Variants in TCERG1L observed in about 807,000 individuals in gnomAD.
The protein encoded by TCERG1L is transcription elongation regulator 1-like protein.
In TCERG1L, 37 loss-of-function variants were observed where a neutral mutation model predicts 56.3. The ratio of observed to expected loss-of-function variants is 0.66; its 90% CI spans 0.51 to 0.87. The LOEUF (loss-of-function observed/expected upper bound fraction) is 0.87, where lower values mean the gene tolerates loss of function less well. Among genes scored for constraint, TCERG1L ranks in the 40% least tolerant of loss-of-function variants. The probability of loss-of-function intolerance (pLI) is 0.00; values close to 1 mark genes in which losing one functional copy is unlikely to be tolerated. For synonymous variants in TCERG1L, 324 were observed against 326.3 expected, an observed-to-expected ratio of 0.99 and a Z score of 0.08; for missense variants, 799 against 774.2, an observed-to-expected ratio of 1.03 and a Z score of -0.38.
chr10:131,304,893 T>C (rs911167882), intron 3 of TCERG1L, among the ~76,000 whole-genome samples: 7 of 151,916 alleles, frequency 4.6e-5, no homozygotes, highest in African/African-American at 1.7e-4. Flanking sequence ...ACCCCACAGG[T>C]CTCATGTGAT....
chr10:131,249,374 T>C (rs1846080329), intron 4 of TCERG1L, among the ~76,000 whole-genome samples: 1 of 151,972 alleles, frequency 6.6e-6, no homozygotes, highest in Admixed American at 6.5e-5. Flanking sequence ...TCCACCCGGG[T>C]CCCCAGTATA....
chr10:131,116,799 C>A lies in TCERG1L; in HGVS notation c.1395G>T (p.Gly465=). Residue 465 remains glycine, a splice_region_variant and synonymous_variant, in exon 9 of 12, where the codon GGG becomes GGT. Transcript: ENST00000368642. ...THFRDMLLER[G]VSAFSTWEKE... ...CAGCCCCTCAGCCGCTGTGCCTTACCCCTCTCTCCAGCAGCATGTCTCGGA... is the reference window on the plus strand; with the variant it reads ...CAGCCCCTCAGCCGCTGTGCCTTACACCTCTCTCCAGCAGCATGTCTCGGA... 6.4e-7 allele frequency: 1 copy of A among 1,559,480 alleles called. No individual in the cohort carries two copies. Among genetic ancestry groups the A allele is most frequent in the East Asian group, 2.4e-5 (1 of 41,800 alleles).
intron 6 of TCERG1L, among the ~76,000 whole-genome samples, chr10:131,159,991 G>A (rs116454288): frequency 1.5e-3 from 232 of 152,272 alleles, no homozygotes; most frequent in Middle Eastern, 6.8e-3. Context: ...AACAAGCCTA[G>A]GCTCTCTCTG....
chr10:131,208,901 G>GA (rs1415991342), intron 4 of TCERG1L, among the ~76,000 whole-genome samples: 1 of 151,870 alleles, frequency 6.6e-6, no homozygotes, highest in Non-Finnish European at 1.5e-5. Flanking sequence ...ACTAAAAATA[G>GA]AAAAAAATTA....
chr10:131,196,900 G>C (rs1167780852), intron 4 of TCERG1L, among the ~76,000 whole-genome samples: 1 of 152,228 alleles, frequency 6.6e-6, no homozygotes, highest in Non-Finnish European at 1.5e-5. Context: ...GAGAATCAGA[G>C]AATGGGGTAC....
In TCERG1L at chr10:131,185,754, C is replaced by T. The variant is rs191826847; in HGVS notation, c.857-18869G>A. 2.0e-5 allele frequency among the ~76,000 whole-genome samples: 3 copies of T among 151,886 alleles called. No individual in the cohort carries two copies. In the East Asian group the frequency reaches 5.8e-4, roughly 29 times the overall value. ...AGGAAAATAACAAGTATTGAGAGTA[C>T]AGTGAAAATGATGGCTGAATGTAAA... On this transcript the variant is annotated intron_variant, in intron 4 of 11. Coordinates refer to ENST00000368642, the MANE Select transcript of TCERG1L (RefSeq NM_174937.4).
intron 9 of TCERG1L, among the ~76,000 whole-genome samples, chr10:131,108,269 G>GT (rs1564793028): frequency 6.6e-6 from 1 of 152,150 alleles, no homozygotes; most frequent in East Asian, 1.9e-4. Context: ...TTAGCCCAGC[G>GT]TTTCACAGGA....
At chr10:131,304,647 G>C (rs1381108912) in intron 3 of TCERG1L, among the ~76,000 whole-genome samples, 1 of 152,100 alleles carries the variant, frequency 6.6e-6, no homozygotes, top group Admixed American at 6.5e-5. Context: ...CATTCACAAT[G>C]ATCAGGAAGA....
chr10:131,153,640 G>C (rs1485386695), intron 6 of TCERG1L, among the ~76,000 whole-genome samples: 1 of 152,208 alleles, frequency 6.6e-6, no homozygotes, highest in African/African-American at 2.4e-5. Context: ...TGTTGTAAGT[G>C]CAGTGCCTCA....
At chr10:131,097,379 ACT>A (rs1425932954) in intron 11 of TCERG1L, among the ~76,000 whole-genome samples, 2 of 152,108 alleles carry the variant, frequency 1.3e-5, no homozygotes, top group African/African-American at 4.8e-5. Context: ...ACGGAGACTC[ACT>A]CTGTCGCCCA....
At chr10:131,237,913 G>A (rs550719955) in intron 4 of TCERG1L, among the ~76,000 whole-genome samples, 38 of 152,318 alleles carry the variant, frequency 2.5e-4, no homozygotes, top group East Asian at 5.8e-4. Context: ...TCCTTGCTTC[G>A]GCGTTTCACT....
intron 8 of TCERG1L, among the ~76,000 whole-genome samples, chr10:131,121,007 G>A (rs902811949): frequency 6.6e-6 from 1 of 152,244 alleles, no homozygotes; most frequent in South Asian, 2.1e-4. Context: ...CCACAGGTGT[G>A]TCAGGGCTGA....
At chr10:131,305,136 G>C (rs1044245497) in intron 3 of TCERG1L, among the ~76,000 whole-genome samples, 1 of 152,070 alleles carries the variant, frequency 6.6e-6, no homozygotes, top group Non-Finnish European at 1.5e-5. Flanking sequence ...CACCTGCAGA[G>C]AGCATGCGCC....
chr10:131,311,447 G>C lies in TCERG1L; in HGVS notation c.189C>G (p.Leu63=). ...GGGCCGCGGGCGGCGGGGCCGAGGC[G>C]AGCAGCACCGGGGGAACCACGACCC... ...SAGVVVPPVL[L]ASAPPPAAPL... The change falls in exon 1 of 12, where the codon CTC becomes CTG. Residue 63 remains leucine (L), a synonymous_variant. Coordinates refer to ENST00000368642, the MANE Select transcript of TCERG1L (RefSeq NM_174937.4). The surrounding 1 kb of genome is among the most constrained non-coding windows in gnomAD (Gnocchi z 4.0). The C allele has an allele frequency of 8.5e-7, 1 of 1,177,716 alleles. No individual in the cohort carries two copies. Among genetic ancestry groups the C allele is most frequent in the Non-Finnish European group, 1.0e-6 (1 of 954,776 alleles). The allele number at this position is 1,177,716 out of a possible 1,614,324, so 73.0% of individuals were successfully genotyped here.
chr10:131,117,081 C>G, intron 8 of TCERG1L, 147 bp from the exon 9 acceptor site: 1 of 1,128,312 alleles, frequency 8.9e-7, no homozygotes, highest in South Asian at 1.6e-5. Context: ...CGGTCTCCCT[C>G]GCAAAGATGG....
intron 4 of TCERG1L, among the ~76,000 whole-genome samples, chr10:131,223,688 G>A (rs1054502663): frequency 4.5e-5 from 6 of 132,870 alleles, no homozygotes; most frequent in Non-Finnish European, 6.7e-5. Flanking sequence ...TCACCCTCAC[G>A]CATACAGACA....
intron 4 of TCERG1L, among the ~76,000 whole-genome samples, chr10:131,209,587 T>C (rs781082698): frequency 1.8e-4 from 27 of 152,192 alleles, no homozygotes; most frequent in Non-Finnish European, 3.7e-4. Flanking sequence ...AAATGTAAAA[T>C]ATATATAGCC....
intron 1 of TCERG1L, among the ~76,000 whole-genome samples, chr10:131,309,833 G>GAAAAAA (rs1846860577): frequency 1.6e-4 from 6 of 38,004 alleles, no homozygotes; most frequent in Non-Finnish European, 2.8e-4. Context: ...AGATTCTATG[G>GAAAAAA]CAAAAAAAAA....
intron 3 of TCERG1L, among the ~76,000 whole-genome samples, chr10:131,296,887 G>A (rs938154372): frequency 1.3e-5 from 2 of 152,076 alleles, no homozygotes; most frequent in Admixed American, 6.5e-5. Flanking sequence ...ACTTCCAATT[G>A]TTTATTACCA....
Sources: allele counts gnomAD v4.1 joint callset (sites outside exome capture counted in the v4.1 genomes callset), GRCh38; gene constraint gnomAD v4.1.1; non-coding constraint Gnocchi (gnomAD v3.1); transcripts MANE v1.5; gene names NCBI Gene and HGNC (gene_info 2026-07-23, HGNC 2026-07-21).